Variants in BICRAL observed in about 807,000 individuals in gnomAD.
BICRAL encodes BICRA like chromatin remodeling complex associated protein.
A neutral mutation model predicts 91.8 loss-of-function variants in BICRAL; 8 were observed. The observed-to-expected ratio is 0.09, with a 90% CI of 0.05 to 0.16. The LOEUF (loss-of-function observed/expected upper bound fraction) is 0.16. BICRAL is among the 10% of genes least tolerant of loss of function. BICRAL has a pLI of 1.00. For missense variants in BICRAL, 1,038 were observed against 1,310.9 expected (o/e 0.79, Z 3.21); for synonymous variants, 445 against 491.1 (o/e 0.91, Z 1.24).
At chr6:42,780,739 G>GGTGTT (rs1762886425), upstream of BICRAL, among the ~76,000 whole-genome samples, 1 of 110,476 alleles carries the variant, frequency 9.1e-6, no homozygotes, top group Non-Finnish European at 1.9e-5. Context: ...TGTTGTTGTT[G>GGTGTT]TTGTTTTGTT....
chr6:42,772,106 G>C (rs764926452), intron 1 of BICRAL, among the ~76,000 whole-genome samples: 1 of 152,004 alleles, frequency 6.6e-6, no homozygotes, highest in Non-Finnish European at 1.5e-5. Context: ...TTTTCAAATG[G>C]GGTCACCTCC....
intron 8 of BICRAL, 39 bp downstream of exon 8, chr6:42,853,777 C>A: frequency 7.3e-7 from 1 of 1,369,918 alleles, no homozygotes; most frequent in Non-Finnish European, 1.0e-6. Flanking sequence ...TAATGTTCGG[C>A]ATAATTGAAT....
intron 5 of BICRAL, among the ~76,000 whole-genome samples, chr6:42,825,421 C>T (rs948074808): frequency 2.6e-5 from 4 of 151,588 alleles, no homozygotes; most frequent in Admixed American, 1.3e-4. Flanking sequence ...AAAAATTAGC[C>T]GGGCGTTGTG....
At chr6:42,838,360 T>A (rs1764698296) in intron 6 of BICRAL, among the ~76,000 whole-genome samples, 1 of 152,204 alleles carries the variant, frequency 6.6e-6, no homozygotes, top group Admixed American at 6.6e-5. Flanking sequence ...TGTTTCCTCA[T>A]GACTCGGCTT....
intron 6 of BICRAL, among the ~76,000 whole-genome samples, chr6:42,846,659 C>T (rs935016241): frequency 1.3e-4 from 20 of 152,154 alleles, no homozygotes; most frequent in Non-Finnish European, 2.9e-5. Flanking sequence ...TCCAGGGCCT[C>T]TGCTGCTCAA....
chr6:42,756,875 T>TCG (rs879639931), intron 1 of BICRAL, among the ~76,000 whole-genome samples: 50 of 149,608 alleles, frequency 3.3e-4, no homozygotes, highest in African/African-American at 8.6e-4. Flanking sequence ...CGCTTGGCTC[T>TCG]CGCGCGCGCG....
At position 42,829,852 on chromosome 6, in the gene BICRAL, A is replaced by T. The variant is rs141434173; in HGVS notation, c.1519A>T (p.Thr507Ser). Residue 507 changes from threonine to serine, a missense_variant, in exon 6 of 13, where the codon ACT becomes TCT. By Grantham distance (58) the Thr-to-Ser change is moderately conservative (BLOSUM62 1). Around this residue, in one of 5 missense-constraint regions of BICRAL, gnomAD observed 532 missense variants for 724.9 expected, o/e 0.73. Transcript: ENST00000314073. ...GQMPLQQASP[T>S]VLHLSPGQSS... ...GATGCCCTTGCAGCAGGCATCCCCAACTGTATTACACCTGTCACCTGGGCA... is the reference window on the plus strand; with the variant it reads ...GATGCCCTTGCAGCAGGCATCCCCATCTGTATTACACCTGTCACCTGGGCA... 1.1e-4 allele frequency: 177 copies of T among 1,614,222 alleles called. No homozygotes were observed. In the African/African-American group the frequency reaches 2.1e-3, roughly 19 times the overall value.
chr6:42,751,674 T>TTTAG (rs1762383288), intron 1 of BICRAL, among the ~76,000 whole-genome samples: 1 of 148,310 alleles, frequency 6.7e-6, no homozygotes, highest in East Asian at 1.9e-4. Context: ...TTTTTTTTTT[T>TTTAG]GAGACGGAGT....
intron 2 of BICRAL, among the ~76,000 whole-genome samples, chr6:42,816,350 CAA>C (rs1255476201): frequency 7.5e-6 from 1 of 134,052 alleles, no homozygotes. Context: ...CCTGTCTCTT[CAA>C]AAAAAAAAAA....
chr6:42,746,499 T>G (rs1189851426), upstream of BICRAL, among the ~76,000 whole-genome samples: 6 of 118,844 alleles, frequency 5.0e-5, no homozygotes, highest in South Asian at 3.2e-4. Flanking sequence ...GGGGTGTGGG[T>G]GGGAGGGATG....
intron 1 of BICRAL, among the ~76,000 whole-genome samples, chr6:42,782,455 G>C (rs1238284119): frequency 6.7e-6 from 1 of 148,992 alleles, no homozygotes; most frequent in Non-Finnish European, 1.5e-5. Context: ...CCGGGGCCCC[G>C]GGAAGACCAA....
chr6:42,847,111 A>G (rs1027962728), intron 6 of BICRAL, among the ~76,000 whole-genome samples: 2 of 152,170 alleles, frequency 1.3e-5, no homozygotes, highest in African/African-American at 4.8e-5. Flanking sequence ...TTAGCCAGGT[A>G]CAGTGGCGCA....
chr6:42,764,651 G>A (rs1762606415), intron 1 of BICRAL, among the ~76,000 whole-genome samples: 2 of 152,018 alleles, frequency 1.3e-5, no homozygotes, highest in Admixed American at 1.3e-4. Flanking sequence ...TATAGGTTAT[G>A]GGGTCTTTTG....
chr6:42,822,658 C>A, intron 3 of BICRAL, 138 bp from the exon 4 acceptor site: 21 of 510,242 alleles, frequency 4.1e-5, no homozygotes, highest in South Asian at 2.3e-4. Flanking sequence ...AAAAAAAAAC[C>A]TACTAATAGT....
rs779550420 is a variant in BICRAL at position 42,862,592 on chromosome 6, G to A, written c.2432G>A (p.Arg811His). Residue 811 changes from arginine (R) to histidine (H), a missense_variant, in exon 12 of 13, where the codon CGT (arginine) becomes CAT (histidine). Arg to His is a conservative substitution (Grantham distance 29). Coordinates refer to ENST00000314073, the MANE Select transcript of BICRAL (RefSeq NM_001393499.1). ...AGAGCTTCCCTGTCCCGAGACAAGC[G>A]TTTGGCACTTGTAGACCCTGGTAAG... ...EERASLSRDK[R>H]LALVDPEGFQ... is the part of the protein sequence containing the mutation. 36 of 1,603,908 alleles carry A rather than the reference G, an allele frequency of 2.2e-5. No individual in the cohort carries two copies. The highest frequency in any genetic ancestry group is 1.5e-4 in the Admixed American group (9 of 59,944).
chr6:42,757,258 C>CT (rs61573478), intron 1 of BICRAL, among the ~76,000 whole-genome samples: 20,545 of 145,182 alleles, frequency 0.14, 1,634 homozygotes, highest in African/African-American at 0.22. Context: ...TTTTTTAACT[C>CT]TTTTTTTTTT....
intron 1 of BICRAL, among the ~76,000 whole-genome samples, chr6:42,809,713 C>T (rs964773851): frequency 6.6e-6 from 1 of 151,930 alleles, no homozygotes; most frequent in East Asian, 1.9e-4. Context: ...CGAGCTCAAC[C>T]GATCCACCTG....
At chr6:42,832,547 A>G (rs1029043391) in intron 6 of BICRAL, among the ~76,000 whole-genome samples, 1 of 148,988 alleles carries the variant, frequency 6.7e-6, no homozygotes, top group Non-Finnish European at 1.5e-5. Flanking sequence ...TGTTCAGTTT[A>G]TTTGTTTTGG....
At chr6:42,804,610 AT>A (rs1431022894) in intron 1 of BICRAL, among the ~76,000 whole-genome samples, 4 of 152,166 alleles carry the variant, frequency 2.6e-5, no homozygotes, top group African/African-American at 9.7e-5. Flanking sequence ...AAGTCAAATA[AT>A]TGAAAAACTG....
Sources: gnomAD v4.1 joint callset for allele counts (sites outside exome capture counted in the v4.1 genomes callset) on GRCh38, gnomAD v4.1.1 for gene constraint, gnomAD v4.1.1 regional missense constraint, MANE v1.5 for transcripts, NCBI Gene and HGNC (gene_info 2026-07-23, HGNC 2026-07-21) for gene names.